Variants in KIAA0232 observed in about 807,000 individuals in gnomAD.
The protein encoded by KIAA0232 is KIAA0232, also known as uncharacterized protein KIAA0232.
KIAA0232 carries 27 observed loss-of-function variants against 122.0 expected under a neutral mutation model. That is an observed-to-expected ratio of 0.22 (90% confidence interval 0.16 to 0.31). The LOEUF is 0.31. Among genes scored for constraint, KIAA0232 ranks in the 10% least tolerant of loss-of-function variants. The pLI is 1.00. For missense variants in KIAA0232, 1,551 were observed against 1,634.2 expected (o/e 0.95, Z 0.88); for synonymous variants, 613 against 587.6 (o/e 1.04, Z -0.63).
At chr4:6,804,252 G>A (rs1029866147) in intron 1 of KIAA0232, among the ~76,000 whole-genome samples, 27 of 152,062 alleles carry the variant, frequency 1.8e-4, no homozygotes, top group African/African-American at 4.8e-4. Flanking sequence ...CTGCTCTAGC[G>A]GGCCTCCCTC....
chr4:6,824,425 C>T lies in KIAA0232; in HGVS notation c.-29C>T, dbSNP rs776170380. 4 of 1,570,512 alleles carry T rather than the reference C, an allele frequency of 2.5e-6. No homozygotes were observed. The highest frequency in any genetic ancestry group is 3.5e-6 in the Non-Finnish European group (4 of 1,140,310). On this transcript the variant is annotated 5_prime_UTR_variant, in exon 3 of 10. Coordinates refer to ENST00000307659, the MANE Select transcript of KIAA0232 (RefSeq NM_014743.3). ...AATATCAACTGCAGAAAATGCTTCA[C>T]ATTTTAAGGATGTCGGCAACCTAAA...
chr4:6,873,763 T>G (rs1452954987), intron 8 of KIAA0232, among the ~76,000 whole-genome samples: 2 of 152,242 alleles, frequency 1.3e-5, no homozygotes, highest in Admixed American at 6.5e-5. Flanking sequence ...GCATAAATAC[T>G]GGTAATTATT....
chr4:6,809,892 C>G (rs958475122), intron 2 of KIAA0232, among the ~76,000 whole-genome samples: 1 of 151,872 alleles, frequency 6.6e-6, no homozygotes, highest in African/African-American at 2.4e-5. Context: ...AAAGATCTCT[C>G]CAAGGAAGAC....
At chr4:6,847,068 A>G (rs1720003003) in intron 4 of KIAA0232, among the ~76,000 whole-genome samples, 1 of 152,150 alleles carries the variant, frequency 6.6e-6, no homozygotes, top group African/African-American at 2.4e-5. Context: ...AAAGACAATA[A>G]TATAGGTTAT....
chr4:6,858,255 C>G (rs1224523380), intron 5 of KIAA0232, among the ~76,000 whole-genome samples, 170 bp from the exon 6 acceptor site: 1 of 152,178 alleles, frequency 6.6e-6, no homozygotes, highest in African/African-American at 2.4e-5. Context: ...GGAGAATTCC[C>G]TCTGGCACAC....
intron 2 of KIAA0232, among the ~76,000 whole-genome samples, chr4:6,821,870 C>T (rs1037469829): frequency 6.6e-6 from 1 of 151,912 alleles, no homozygotes; most frequent in Non-Finnish European, 1.5e-5. Context: ...GTATAGAATT[C>T]TAGGTTGACA....
intron 7 of KIAA0232, among the ~76,000 whole-genome samples, chr4:6,867,848 C>T (rs541909486): frequency 6.6e-6 from 1 of 152,314 alleles, no homozygotes; most frequent in South Asian, 2.1e-4. Flanking sequence ...GACAGCTGCC[C>T]CAGATCCCAG....
intron 1 of KIAA0232, among the ~76,000 whole-genome samples, chr4:6,789,941 A>T (rs983853102): frequency 6.6e-6 from 1 of 152,024 alleles, no homozygotes; most frequent in Non-Finnish European, 1.5e-5. Context: ...AGGCAGGAGG[A>T]TCGCTTGAGC....
chr4:6,783,594 G>A (rs2108837777), intron 1 of KIAA0232, among the ~76,000 whole-genome samples: 1 of 151,970 alleles, frequency 6.6e-6, no homozygotes, highest in East Asian at 1.9e-4. Flanking sequence ...TGGGGCCCCG[G>A]GAAGGGAAAA....
chr4:6,786,633 C>T (rs551175817), intron 1 of KIAA0232, among the ~76,000 whole-genome samples: 2 of 152,260 alleles, frequency 1.3e-5, no homozygotes, highest in East Asian at 1.9e-4. Context: ...TAATAAACAT[C>T]GGTGCCCACA....
At chr4:6,813,101 A>G (rs1438094877) in intron 2 of KIAA0232, among the ~76,000 whole-genome samples, 1 of 152,198 alleles carries the variant, frequency 6.6e-6, no homozygotes, top group African/African-American at 2.4e-5. Context: ...AGGAACACCA[A>G]TAGGAGTTGT....
rs1045292735 is a variant in KIAA0232, at chr4:6,866,132, T to C, written c.3801+1949T>C. 16 of 591,360 alleles carry C rather than the reference T, an allele frequency of 2.7e-5. No individual in the cohort carries two copies. The African/African-American group carries it at 3.2e-4, about 12-fold the overall frequency. 36.6% of individuals were successfully genotyped at this position (591,360 alleles called of 1,614,324 possible). A position where few individuals can be genotyped will look rare whatever the true frequency, so the allele number is the denominator to read the frequency against. On this transcript the variant is annotated intron_variant, in intron 7 of 9. Coordinates refer to ENST00000307659, the MANE Select transcript of KIAA0232 (RefSeq NM_014743.3). ...TTGTTAGCCTTTATCTGTTTGTTTA[T>C]TGCCCCATTTTTCATCCTTAAATAT...
chr4:6,860,892 G>A lies in KIAA0232; in HGVS notation c.519-9G>A, dbSNP rs1560199135. 1.9e-6 allele frequency: 3 copies of A among 1,608,338 alleles called. No homozygotes were observed. The highest frequency in any genetic ancestry group is 2.5e-6 in the Non-Finnish European group (3 of 1,176,894). On this transcript the variant is annotated splice_polypyrimidine_tract_variant and intron_variant, in intron 6 of 9. Coordinates refer to ENST00000307659, the MANE Select transcript of KIAA0232 (RefSeq NM_014743.3). ...ACTCGTGTTTTGAAGTCTTTACTCT[G>A]TTTTTCAGGTACTATGAAGCATTTC... is the stretch of plus-strand genomic sequence containing the variant.
Position 6,871,559 on chromosome 4 carries a change from G to A in KIAA0232, c.3802-15G>A, listed in dbSNP as rs1410945673. On this transcript the variant is annotated splice_polypyrimidine_tract_variant and intron_variant, in intron 7 of 9. Transcript: ENST00000307659. ...AGTTTATAAACTTTTTCTGTATTTG[G>A]TTTAATCTAAACAGTTCCCTGTATT... 1.4e-6 allele frequency: 2 copies of A among 1,427,534 alleles called. No homozygotes were observed. The highest frequency in any genetic ancestry group is 2.3e-5 in the East Asian group (1 of 43,648). The allele number at this position is 1,427,534 out of a possible 1,614,324, so 88.4% of individuals were successfully genotyped here.
intron 3 of KIAA0232, among the ~76,000 whole-genome samples, chr4:6,832,163 G>C (rs1044744357): frequency 6.6e-6 from 1 of 152,174 alleles, no homozygotes; most frequent in African/African-American, 2.4e-5. Flanking sequence ...GTTTGGTTTT[G>C]ATATATATTT....
intron 1 of KIAA0232, among the ~76,000 whole-genome samples, chr4:6,792,794 AT>A (rs1716962902): frequency 6.8e-6 from 1 of 147,654 alleles, no homozygotes; most frequent in Non-Finnish European, 1.5e-5. Context: ...GGTTCACGCC[AT>A]TCTCCTGCCT....
At position 6,861,847 on chromosome 4, in the gene KIAA0232, T is replaced by C. The variant is rs1577407195; in HGVS notation, c.1465T>C (p.Cys489Arg). 1.9e-6 allele frequency: 3 copies of C among 1,614,140 alleles called. No homozygotes were observed. The South Asian group carries it at 3.3e-5, about 18-fold the overall frequency. ...EDIDLTGTSL[C>R]SLPEDNKYLD... ...TATTGACCTCACTGGGACCTCATTA[T>C]GTTCTCTACCAGAGGACAATAAATA... Residue 489 changes from cysteine to arginine, a missense_variant, in exon 7 of 10, where the codon TGT becomes CGT. Coordinates refer to ENST00000307659, the MANE Select transcript of KIAA0232 (RefSeq NM_014743.3).
At chr4:6,782,874 C>G (rs1252647109) in intron 1 of KIAA0232, 33 bp downstream of exon 1, 1 of 149,584 alleles carries the variant, frequency 6.7e-6, no homozygotes, top group Non-Finnish European at 1.5e-5. Flanking sequence ...AGGGAGGGCG[C>G]GGAGCAGCCC....
intron 3 of KIAA0232, among the ~76,000 whole-genome samples, chr4:6,837,291 G>A (rs931227576): frequency 6.6e-6 from 1 of 151,746 alleles, no homozygotes; most frequent in African/African-American, 2.4e-5. Context: ...GCGGGGCAGA[G>A]ACGCTCCTCA....
Sources: gnomAD v4.1 joint callset for allele counts (sites outside exome capture counted in the v4.1 genomes callset) on GRCh38, gnomAD v4.1.1 for gene constraint, MANE v1.5 for transcripts, NCBI Gene and HGNC (gene_info 2026-07-23, HGNC 2026-07-21) for gene names.